RAB3GAP1: variants seen among roughly 807,000 people sequenced by gnomAD.
The protein encoded by RAB3GAP1 is rab3 GTPase-activating protein catalytic subunit.
In RAB3GAP1, 86 loss-of-function variants were observed where a neutral mutation model predicts 130.7. That is an observed-to-expected ratio of 0.66 (90% CI 0.55 to 0.79). The LOEUF (loss-of-function observed/expected upper bound fraction) is 0.79, where lower values mean the gene tolerates loss of function less well. RAB3GAP1 is among the 30% of genes least tolerant of loss of function. The pLI, the probability that RAB3GAP1 is intolerant of heterozygous loss-of-function variation, is 0.00. For missense variants in RAB3GAP1, 1,029 were observed against 1,169.4 expected (o/e 0.88, Z 1.75); for synonymous variants, 367 against 401.7 (o/e 0.91, Z 1.03).
rs141753908 is a variant in RAB3GAP1 at position 135,084,854 on chromosome 2, C to T, written c.151-6144C>T. ...TAAATAAATAATTAGAATAAGGTAT[C>T]GTTCTTGTATTTGAACAAGATGCTG... is the stretch of plus-strand genomic sequence containing the variant. On this transcript the variant is annotated intron_variant, in intron 3 of 23. Coordinates refer to ENST00000264158, the MANE Select transcript of RAB3GAP1 (RefSeq NM_012233.3). 1.2e-3 allele frequency among the ~76,000 whole-genome samples: 177 copies of T among 152,206 alleles called. 2 individuals carry two copies. Among genetic ancestry groups the T allele is most frequent in the African/African-American group, 4.2e-3 (174 of 41,542 alleles).
intron 22 of RAB3GAP1, 109 bp downstream of exon 22, chr2:135,163,210 A>AT: frequency 1.3e-6 from 1 of 788,276 alleles, no homozygotes; most frequent in Non-Finnish European, 2.2e-6. Context: ...ATCATATATT[A>AT]TTTGAAACAA....
At chr2:135,136,556 C>T (rs1383652061) in intron 17 of RAB3GAP1, 2 of 220,448 alleles carry the variant, frequency 9.1e-6, no homozygotes, top group Non-Finnish European at 1.7e-5. Context: ...TTAAGTAGAT[C>T]ACGTCATCAT....
chr2:135,105,467 C>T (rs1046328002), intron 5 of RAB3GAP1, among the ~76,000 whole-genome samples: 1 of 152,090 alleles, frequency 6.6e-6, no homozygotes, highest in Non-Finnish European at 1.5e-5. Flanking sequence ...CTCCTAACCG[C>T]GAGTGATCTG....
rs571076608 is a variant in RAB3GAP1, at chr2:135,083,766, G to A, written c.151-7232G>A. 2.9e-4 allele frequency among the ~76,000 whole-genome samples: 31 copies of A among 106,758 alleles called. No individual in the cohort carries two copies. In the South Asian group the frequency reaches 7.0e-3, roughly 24 times the overall value. The allele number at this position is 106,758 out of a possible 152,430, so 70.0% of individuals were successfully genotyped here. ...AGGCGTCAGCCACTGTACCCAACAC[G>A]GTTTTTTTTTTTTTTTTTTTTTTTT... On this transcript the variant is annotated intron_variant, in intron 3 of 23. Coordinates refer to ENST00000264158, the MANE Select transcript of RAB3GAP1 (RefSeq NM_012233.3).
chr2:135,167,767 A>G, intron 23 of RAB3GAP1: 4 of 1,408,634 alleles, frequency 2.8e-6, no homozygotes, highest in Non-Finnish European at 3.9e-6. Context: ...CATCCCTCTA[A>G]TTTCATAAGG....
chr2:135,080,435 C>T (rs962276735), intron 3 of RAB3GAP1, among the ~76,000 whole-genome samples: 6 of 152,288 alleles, frequency 3.9e-5, no homozygotes, highest in South Asian at 2.1e-4. Context: ...ATAAAACACA[C>T]AGGCTTAAAA....
intron 6 of RAB3GAP1, 90 bp downstream of exon 6, chr2:135,113,360 A>G (rs575131825): frequency 2.0e-6 from 3 of 1,528,888 alleles, no homozygotes; most frequent in South Asian, 2.3e-5. Flanking sequence ...TAGCTTTTTA[A>G]CTGTAATTAG....
intron 5 of RAB3GAP1, among the ~76,000 whole-genome samples, chr2:135,108,117 A>G (rs1409334384): frequency 6.6e-6 from 1 of 152,142 alleles, no homozygotes; most frequent in Non-Finnish European, 1.5e-5. Context: ...TTGGTACAGG[A>G]AAGAAAAATG....
At chr2:135,081,327 A>AAAAAAAAT (rs1363481112) in intron 3 of RAB3GAP1, among the ~76,000 whole-genome samples, 12 of 64,036 alleles carry the variant, frequency 1.9e-4, no homozygotes, top group South Asian at 1.9e-3. Flanking sequence ...AAAAAAAAAA[A>AAAAAAAAT]ATATATATAT....
chr2:135,162,891 C>T, intron 21 of RAB3GAP1, 40 bp downstream of exon 21: 1 of 1,578,042 alleles, frequency 6.3e-7, no homozygotes, highest in Non-Finnish European at 8.7e-7. Flanking sequence ...CAAGTGTTCT[C>T]CTCAGTTGGC....
intron 17 of RAB3GAP1, among the ~76,000 whole-genome samples, chr2:135,141,734 G>A (rs954863849): frequency 6.6e-6 from 1 of 152,064 alleles, no homozygotes; most frequent in Non-Finnish European, 1.5e-5. Context: ...TAATTGTTTG[G>A]TAAGAGGAAC....
chr2:135,126,374 G>T (rs1359237657), intron 10 of RAB3GAP1, 125 bp downstream of exon 10: 1 of 923,360 alleles, frequency 1.1e-6, no homozygotes, highest in Non-Finnish European at 1.7e-6. Context: ...TCCCTTTTGT[G>T]TTTTATTGTC....
intron 18 of RAB3GAP1, chr2:135,153,128 G>C (rs1345889383): frequency 6.3e-6 from 1 of 157,926 alleles, no homozygotes; most frequent in African/African-American, 2.4e-5. Context: ...ATTTATTGCA[G>C]AACCAGTATT....
chr2:135,081,281 TG>T (rs1218695685), intron 3 of RAB3GAP1, among the ~76,000 whole-genome samples: 3 of 111,128 alleles, frequency 2.7e-5, no homozygotes, highest in Admixed American at 2.6e-4. Flanking sequence ...CACTCCAGCC[TG>T]GGTGACAGAG....
intron 17 of RAB3GAP1, among the ~76,000 whole-genome samples, chr2:135,140,042 C>T (rs1040722596): frequency 5.3e-5 from 8 of 151,858 alleles, no homozygotes; most frequent in African/African-American, 1.9e-4. Context: ...TTTTATTTAC[C>T]GATTTTGAGA....
chr2:135,065,735 C>G (rs1689300532), intron 3 of RAB3GAP1, among the ~76,000 whole-genome samples: 1 of 147,828 alleles, frequency 6.8e-6, no homozygotes, highest in Admixed American at 6.7e-5. Context: ...ATGAAAGGAT[C>G]TCTTAAAATT....
chr2:135,154,649 A>G (rs1318392812), intron 19 of RAB3GAP1, among the ~76,000 whole-genome samples: 1 of 152,152 alleles, frequency 6.6e-6, no homozygotes, highest in Non-Finnish European at 1.5e-5. Flanking sequence ...GTCACCCCAG[A>G]AAGAGAGAGC....
chr2:135,120,688 A>G lies in RAB3GAP1; in HGVS notation c.649-131A>G, dbSNP rs966516937. On this transcript the variant is annotated intron_variant, in intron 7 of 23. Coordinates refer to ENST00000264158, the MANE Select transcript of RAB3GAP1 (RefSeq NM_012233.3). Reference sequence around the variant, plus strand: ...TAGAATATGCACACTATTGTTTAACACTAGAATCTGAAAATCCAGGTTTCA... The same window carrying G: ...TAGAATATGCACACTATTGTTTAACGCTAGAATCTGAAAATCCAGGTTTCA... The G allele has an allele frequency of 1.2e-5, 9 of 761,812 alleles. No homozygotes were observed. In the Admixed American group the frequency reaches 1.3e-4, roughly 11 times the overall value. The allele number at this position is 761,812 out of a possible 1,614,324, so 47.2% of individuals were successfully genotyped here.
At chr2:135,163,604 C>G (rs1692534944) in intron 22 of RAB3GAP1, among the ~76,000 whole-genome samples, 1 of 152,214 alleles carries the variant, frequency 6.6e-6, no homozygotes, top group South Asian at 2.1e-4. Flanking sequence ...TCAGATGAAG[C>G]AAATGATTGG....
Sources: gnomAD v4.1 joint callset for allele counts (sites outside exome capture counted in the v4.1 genomes callset) on GRCh38, gnomAD v4.1.1 for gene constraint, MANE v1.5 for transcripts, NCBI Gene and HGNC (gene_info 2026-07-23, HGNC 2026-07-21) for gene names.